MPC1: variants seen among roughly 807,000 people sequenced by gnomAD.
MPC1 encodes the protein HSPC040 protein.
In MPC1, 6 loss-of-function variants were observed where a neutral mutation model predicts 13.9. The observed-to-expected ratio is 0.43, with a 90% CI of 0.24 to 0.85. The LOEUF (loss-of-function observed/expected upper bound fraction) is 0.85, where lower values mean the gene tolerates loss of function less well. Ranked by LOEUF, MPC1 falls within the 40% of genes least tolerant of loss-of-function variation. The pLI, the probability that MPC1 is intolerant of heterozygous loss-of-function variation, is 0.24. For missense variants in MPC1, 115 were observed against 143.3 expected (o/e 0.80, Z 1.01); for synonymous variants, 47 against 50.5 (o/e 0.93, Z 0.29).
chr6:166,380,591 G>C (rs188722892), intron 1 of MPC1, among the ~76,000 whole-genome samples: 153 of 152,278 alleles, frequency 1.0e-3, no homozygotes, highest in Non-Finnish European at 1.3e-3. Context: ...ATAACACTTA[G>C]AAAAGCAGAA....
At chr6:166,378,418 A>ATGTGTGTG (rs3049292) in intron 1 of MPC1, among the ~76,000 whole-genome samples, 5,724 of 149,956 alleles carry the variant, frequency 0.038, 361 homozygotes, top group African/African-American at 0.13. Flanking sequence ...ATACAAATAC[A>ATGTGTGTG]TGTGTGTGTG....
chr6:166,366,193 C>T, intron 3 of MPC1, 87 bp from the exon 4 acceptor site: 1 of 1,417,450 alleles, frequency 7.1e-7, no homozygotes, highest in Non-Finnish European at 9.4e-7. Flanking sequence ...GTTCCATTGC[C>T]CTGATCAAAA....
intron 2 of MPC1, 150 bp from the exon 3 acceptor site, chr6:166,367,041 G>A (rs774877313): frequency 4.0e-6 from 6 of 1,508,006 alleles, no homozygotes; most frequent in Non-Finnish European, 5.3e-6. Context: ...GTTAATTGAT[G>A]GTTAACATTT....
At chr6:166,367,250 C>T in intron 2 of MPC1, 2 of 974,784 alleles carry the variant, frequency 2.1e-6, no homozygotes, top group South Asian at 5.2e-5. Context: ...TGCTATAATT[C>T]AAACCCTGTT....
intron 1 of MPC1, among the ~76,000 whole-genome samples, chr6:166,371,545 T>C (rs1779381741): frequency 6.6e-6 from 1 of 152,158 alleles, no homozygotes; most frequent in South Asian, 2.1e-4. Flanking sequence ...ATAAAATCCT[T>C]TATAAACAGA....
At position 166,365,396 on chromosome 6, in the gene MPC1, T is replaced by C; in HGVS notation, c.*33A>G. Reference sequence around the variant, plus strand: ...GACTCAGCAGCAGCTGGCAATGCTGTCCCTTCAAGACCTTGTTCTTCCTTT... The same window carrying C: ...GACTCAGCAGCAGCTGGCAATGCTGCCCCTTCAAGACCTTGTTCTTCCTTT... On this transcript the variant is annotated 3_prime_UTR_variant, in exon 5 of 5. Transcript: ENST00000360961. The surrounding 1 kb of genome is among the most constrained non-coding windows in gnomAD (Gnocchi z 4.2). The C allele has an allele frequency of 6.6e-7, 1 of 1,525,964 alleles. No individual in the cohort carries two copies. The highest frequency in any genetic ancestry group is 8.8e-7 in the Non-Finnish European group (1 of 1,132,888). 94.5% of individuals were successfully genotyped at this position (1,525,964 alleles called of 1,614,324 possible). A position where few individuals can be genotyped will look rare whatever the true frequency, so the allele number is the denominator to read the frequency against.
chr6:166,365,013 G>C lies in MPC1; in HGVS notation c.*416C>G, dbSNP rs1689823252. 1 of 159,136 alleles carries C rather than the reference G, an allele frequency of 6.3e-6. No individual in the cohort carries two copies. The highest frequency in any genetic ancestry group is 2.0e-4 in the South Asian group (1 of 4,910). The allele number at this position is 159,136 out of a possible 1,614,324, so 9.9% of individuals were successfully genotyped here. On this transcript the variant is annotated 3_prime_UTR_variant, in exon 5 of 5. Transcript: ENST00000360961. The surrounding 1 kb of genome is among the most constrained non-coding windows in gnomAD (Gnocchi z 4.2). ...ACACAGGTAACATTTTTAAACAGTGGGGACAAAATTTTAAGTACGTGGCCA... is the reference window on the plus strand; with the variant it reads ...ACACAGGTAACATTTTTAAACAGTGCGGACAAAATTTTAAGTACGTGGCCA...
At chr6:166,381,883 A>G in intron 1 of MPC1, 2 of 905,384 alleles carry the variant, frequency 2.2e-6, no homozygotes, top group African/African-American at 1.8e-5. Flanking sequence ...GAGAAAACCG[A>G]AAGGCGAACC....
chr6:166,382,371 C>T (rs1583077163), intron 1 of MPC1, among the ~76,000 whole-genome samples: 1 of 152,034 alleles, frequency 6.6e-6, no homozygotes, highest in East Asian at 1.9e-4. Flanking sequence ...CCAGTGTCAC[C>T]TTGGCCAGGA....
intron 1 of MPC1, among the ~76,000 whole-genome samples, chr6:166,378,916 T>A (rs1779666567): frequency 6.6e-6 from 1 of 152,244 alleles, no homozygotes; most frequent in African/African-American, 2.4e-5. Flanking sequence ...TTGCCCAAGC[T>A]CACAAAGCTG....
chr6:166,376,790 T>C (rs746223997), intron 1 of MPC1, among the ~76,000 whole-genome samples: 1 of 152,232 alleles, frequency 6.6e-6, no homozygotes, highest in African/African-American at 2.4e-5. Context: ...TTTTCTTGAT[T>C]AATGTTAACA....
intron 1 of MPC1, among the ~76,000 whole-genome samples, chr6:166,381,178 TC>T (rs1779765775): frequency 6.6e-6 from 1 of 152,170 alleles, no homozygotes; most frequent in Non-Finnish European, 1.5e-5. Context: ...GCTACCTTGT[TC>T]ACATTTTTAC....
intron 2 of MPC1, among the ~76,000 whole-genome samples, chr6:166,368,507 T>TAG (rs1232252765): frequency 6.8e-6 from 1 of 147,010 alleles, no homozygotes; most frequent in Non-Finnish European, 1.5e-5. Context: ...TGAGCCAAGA[T>TAG]TGCACCACTG....
At chr6:166,381,358 T>A (rs1779774091) in intron 1 of MPC1, among the ~76,000 whole-genome samples, 1 of 152,266 alleles carries the variant, frequency 6.6e-6, no homozygotes, top group Non-Finnish European at 1.5e-5. Flanking sequence ...CCTACTGCTC[T>A]ATAAAAGTAG....
chr6:166,368,120 G>A (rs1270042374), intron 2 of MPC1, among the ~76,000 whole-genome samples: 1 of 152,152 alleles, frequency 6.6e-6, no homozygotes, highest in Non-Finnish European at 1.5e-5. Context: ...ATTCTGGGCT[G>A]GCTAATTAGT....
chr6:166,379,777 A>C (rs536080114), intron 1 of MPC1, among the ~76,000 whole-genome samples: 159 of 152,338 alleles, frequency 1.0e-3, no homozygotes, highest in African/African-American at 3.7e-3. Flanking sequence ...TTCTGATTAG[A>C]AGAAAAGAGA....
intron 1 of MPC1, among the ~76,000 whole-genome samples, chr6:166,377,033 T>C (rs996697740): frequency 2.6e-5 from 4 of 152,168 alleles, no homozygotes; most frequent in Non-Finnish European, 5.9e-5. Flanking sequence ...TTTGTTCTTT[T>C]TTTGCCTTCC....
At chr6:166,366,538 G>A (rs144482808) in intron 3 of MPC1, among the ~76,000 whole-genome samples, 88 of 152,280 alleles carry the variant, frequency 5.8e-4, no homozygotes, top group Admixed American at 1.6e-3. Context: ...GTGACTATTA[G>A]AATGATTCAG....
At chr6:166,368,438 C>T (rs1408941789) in intron 2 of MPC1, among the ~76,000 whole-genome samples, 3 of 151,816 alleles carry the variant, frequency 2.0e-5, no homozygotes, top group Non-Finnish European at 4.4e-5. Context: ...GACTGTAATC[C>T]CAGCTACTTG....
Sources: gnomAD v4.1 joint callset for allele counts (sites outside exome capture counted in the v4.1 genomes callset) on GRCh38, gnomAD v4.1.1 for gene constraint, Gnocchi (gnomAD v3.1) non-coding constraint, MANE v1.5 for transcripts, NCBI Gene and HGNC (gene_info 2026-07-23, HGNC 2026-07-21) for gene names.